The following PPP2R5C variants were observed in gnomAD, a reference collection of about 807,000 sequenced individuals.
The protein encoded by PPP2R5C is protein phosphatase 2 regulatory subunit B'gamma.
A neutral mutation model predicts 68.9 loss-of-function variants in PPP2R5C; 7 were observed. That is an observed-to-expected ratio of 0.10 (90% CI 0.06 to 0.19). PPP2R5C has a LOEUF of 0.19. Among genes scored for constraint, PPP2R5C ranks in the 10% least tolerant of loss-of-function variants. The probability of loss-of-function intolerance (pLI) is 1.00; values close to 1 mark genes in which losing one functional copy is unlikely to be tolerated. For synonymous variants in PPP2R5C, 210 were observed against 222.2 expected (o/e 0.95, Z 0.49); for missense variants, 348 against 641.3 (o/e 0.54, Z 4.94).
At chr14:101,838,252 G>C (rs753396224) in intron 1 of PPP2R5C, among the ~76,000 whole-genome samples, 1 of 152,144 alleles carries the variant, frequency 6.6e-6, no homozygotes, top group Non-Finnish European at 1.5e-5. Flanking sequence ...ACCTGGAGCC[G>C]GTGTGGTGGA....
intron 2 of PPP2R5C, among the ~76,000 whole-genome samples, chr14:101,783,535 T>C (rs995268332): frequency 6.6e-6 from 1 of 151,336 alleles, no homozygotes; most frequent in Non-Finnish European, 1.5e-5. Flanking sequence ...GACGAGAGAA[T>C]GGAGTGGGGC....
At chr14:101,859,404 A>C (rs1267710482) in intron 2 of PPP2R5C, among the ~76,000 whole-genome samples, 1 of 152,248 alleles carries the variant, frequency 6.6e-6, no homozygotes, top group Non-Finnish European at 1.5e-5. Flanking sequence ...CTGTCCTGTG[A>C]AGATGGGCAC....
chr14:101,761,717 G>C (rs1277202635), upstream of PPP2R5C: 26 of 842,152 alleles, frequency 3.1e-5, no homozygotes, highest in South Asian at 5.2e-5. Flanking sequence ...CCGCCGCCGT[G>C]GCTGCCGCAG....
rs1299046402 is a variant in PPP2R5C at position 101,899,648 on chromosome 14, T to G, written c.853-2071T>G. 1.3e-5 allele frequency among the ~76,000 whole-genome samples: 2 copies of G among 152,216 alleles called. No individual in the cohort carries two copies. Among genetic ancestry groups the G allele is most frequent in the Admixed American group, 6.5e-5 (1 of 15,286 alleles). On this transcript the variant is annotated intron_variant, in intron 8 of 13. Coordinates refer to ENST00000334743, the Ensembl canonical transcript of PPP2R5C. This position sits in a 1 kb window ranked among gnomAD's most constrained non-coding sequence, Gnocchi z 4.2. Reference sequence around the variant, plus strand: ...AGTTCACAAATTAACATATTTCTCCTAATAAAATTCCATTTGACAAATGAA... The same window carrying G: ...AGTTCACAAATTAACATATTTCTCCGAATAAAATTCCATTTGACAAATGAA...
intron 11 of PPP2R5C, 70 bp from the exon 14 acceptor site, chr14:101,912,331 C>G: frequency 1.5e-6 from 2 of 1,355,910 alleles, no homozygotes; most frequent in Non-Finnish European, 2.0e-6. Context: ...CATGCCTGTG[C>G]CTTTTCCCCT....
At chr14:101,809,707 C>G, upstream of PPP2R5C, 3 of 782,938 alleles carry the variant, frequency 3.8e-6, no homozygotes, top group East Asian at 4.0e-5. Context: ...GGAAAATATC[C>G]CAGCTTTTAA....
At chr14:101,808,447 G>C (rs1212733102), upstream of PPP2R5C, among the ~76,000 whole-genome samples, 1 of 152,112 alleles carries the variant, frequency 6.6e-6, no homozygotes, top group South Asian at 2.1e-4. Context: ...GGGGAAAGAG[G>C]GGGAAGGGTG....
chr14:101,856,841 C>T lies in PPP2R5C; in HGVS notation c.250C>T (p.Arg84Trp), dbSNP rs767759196. Residue 84 changes from arginine (R) to tryptophan (W), a missense_variant, in exon 2 of 14, where the codon CGG (arginine) becomes TGG (tryptophan). By Grantham distance (101) the Arg-to-Trp change is moderately radical (BLOSUM62 -3). Around this residue, in one of 4 missense-constraint regions of PPP2R5C, gnomAD observed 75 missense variants for 120.9 expected, o/e 0.62. Coordinates refer to ENST00000334743, the Ensembl canonical transcript of PPP2R5C. ...AATGGTAGAATATATCACCCATAAT[C>T]GGAATGTGATCACAGAGCCTATTTA... 5 of 1,613,988 alleles carry T rather than the reference C, an allele frequency of 3.1e-6. No individual in the cohort carries two copies. The highest frequency in any genetic ancestry group is 1.7e-5 in the Admixed American group (1 of 60,000).
At chr14:101,919,190 A>G (rs1595560326) in intron 13 of PPP2R5C, among the ~76,000 whole-genome samples, 1 of 152,252 alleles carries the variant, frequency 6.6e-6, no homozygotes, top group Non-Finnish European at 1.5e-5. Context: ...CACGGCAGCC[A>G]CGGTCATCGG....
chr14:101,806,155 A>G (rs1352049499), upstream of PPP2R5C, among the ~76,000 whole-genome samples: 3 of 151,272 alleles, frequency 2.0e-5, no homozygotes, highest in Admixed American at 6.6e-5. Context: ...GGTTTGTTGC[A>G]TAGGTATACA....
At chr14:101,838,545 T>C (rs888357455) in intron 1 of PPP2R5C, among the ~76,000 whole-genome samples, 2 of 152,236 alleles carry the variant, frequency 1.3e-5, no homozygotes, top group African/African-American at 4.8e-5. Flanking sequence ...GAGCAGGCGG[T>C]CTTCCCAGCC....
chr14:101,851,155 G>A (rs2042135065), intron 1 of PPP2R5C, among the ~76,000 whole-genome samples: 1 of 152,180 alleles, frequency 6.6e-6, no homozygotes, highest in Non-Finnish European at 1.5e-5. Flanking sequence ...CTTGGGGCTG[G>A]CATGGTGGCT....
upstream of PPP2R5C, among the ~76,000 whole-genome samples, chr14:101,806,026 A>C (rs913802731): frequency 6.6e-6 from 1 of 152,234 alleles, no homozygotes; most frequent in African/African-American, 2.4e-5. Context: ...ACAGAACTGT[A>C]TGCTGAAAAC....
intron 2 of PPP2R5C, among the ~76,000 whole-genome samples, chr14:101,859,547 G>A (rs1481111281): frequency 3.3e-5 from 5 of 152,232 alleles, no homozygotes; most frequent in Non-Finnish European, 7.3e-5. Context: ...AGGGGATGGG[G>A]ACAGATTGGA....
At chr14:101,805,326 A>G (rs1422206136), upstream of PPP2R5C, among the ~76,000 whole-genome samples, 1 of 152,182 alleles carries the variant, frequency 6.6e-6, no homozygotes, top group African/African-American at 2.4e-5. Context: ...TCAGCCTCCC[A>G]AAGAAAGCGC....
chr14:101,843,386 AT>A, intron 1 of PPP2R5C: 1 of 218,120 alleles, frequency 4.6e-6, no homozygotes, highest in East Asian at 1.1e-4. Context: ...TTAACTGTTT[AT>A]TTTCTTAAAG....
At position 101,854,886 on chromosome 14, in the gene PPP2R5C, T is replaced by C. The variant is rs185465285; in HGVS notation, c.95-1800T>C. 2.5e-3 allele frequency among the ~76,000 whole-genome samples: 383 copies of C among 152,304 alleles called. 3 individuals carry two copies. Among genetic ancestry groups the C allele is most frequent in the African/African-American group, 8.9e-3 (369 of 41,564 alleles). On this transcript the variant is annotated intron_variant, in intron 1 of 13. Coordinates refer to ENST00000334743, the Ensembl canonical transcript of PPP2R5C. Reference sequence around the variant, plus strand: ...CACATTTTTAAATGATCTAGCCACGTTGGCCAGGCGCATTGGCTCACACCT... The same window carrying C: ...CACATTTTTAAATGATCTAGCCACGCTGGCCAGGCGCATTGGCTCACACCT...
chr14:101,874,522 T>C (rs2043626535), intron 2 of PPP2R5C, among the ~76,000 whole-genome samples: 1 of 152,226 alleles, frequency 6.6e-6, no homozygotes, highest in Admixed American at 6.5e-5. Flanking sequence ...TAAATGACAC[T>C]AGTTGAATTG....
At chr14:101,807,878 C>T (rs886340223), upstream of PPP2R5C, among the ~76,000 whole-genome samples, 6 of 150,828 alleles carry the variant, frequency 4.0e-5, no homozygotes. Flanking sequence ...TCTTAGGAGC[C>T]TTTCCCCCTT....
Sources: allele counts gnomAD v4.1 joint callset (sites outside exome capture counted in the v4.1 genomes callset), GRCh38; gene constraint gnomAD v4.1.1; regional missense constraint gnomAD v4.1.1; non-coding constraint Gnocchi (gnomAD v3.1); transcripts MANE v1.5; gene names NCBI Gene and HGNC (gene_info 2026-07-23, HGNC 2026-07-21).